Variants in HMCN1 observed in about 807,000 individuals in gnomAD.
The protein encoded by HMCN1 is hemicentin-1.
In HMCN1, 321 loss-of-function variants were observed where a neutral mutation model predicts 625.9. The observed-to-expected ratio is 0.51, with a 90% CI of 0.47 to 0.56. HMCN1 has a LOEUF of 0.56. Ranked by LOEUF, HMCN1 falls within the 20% of genes least tolerant of loss-of-function variation. The probability of loss-of-function intolerance (pLI) is 0.00; values close to 1 mark genes in which losing one functional copy is unlikely to be tolerated. For missense variants in HMCN1, 6,588 were observed against 6,887.3 expected, an observed-to-expected ratio of 0.96 and a Z score of 1.54; for synonymous variants, 2,425 against 2,417.6, an observed-to-expected ratio of 1.00 and a Z score of -0.09.
intron 40 of HMCN1, among the ~76,000 whole-genome samples, chr1:186,043,936 C>G (rs1286494155): frequency 6.6e-6 from 1 of 152,044 alleles, no homozygotes; most frequent in East Asian, 1.9e-4. Context: ...AAAAAATTAG[C>G]CAGGCGTGGT....
At chr1:186,097,696 A>G (rs944300391) in intron 68 of HMCN1, among the ~76,000 whole-genome samples, 3 of 152,162 alleles carry the variant, frequency 2.0e-5, no homozygotes, top group African/African-American at 7.2e-5. Context: ...GAATTAGAAA[A>G]AAAAAATCTA....
At chr1:185,919,906 C>T (rs911812736) in intron 6 of HMCN1, among the ~76,000 whole-genome samples, 2 of 152,154 alleles carry the variant, frequency 1.3e-5, no homozygotes, top group African/African-American at 4.8e-5. Flanking sequence ...GCATTTTGTG[C>T]ACATTAGTGC....
At chr1:186,007,341 G>A (rs1653709487) in intron 30 of HMCN1, 59 bp downstream of exon 30, 1 of 1,470,468 alleles carries the variant, frequency 6.8e-7, no homozygotes, top group African/African-American at 1.4e-5. Context: ...TGACAAGCAG[G>A]GTTTACTGGT....
At chr1:186,000,272 T>C in intron 26 of HMCN1, 33 bp downstream of exon 26, 1 of 1,490,722 alleles carries the variant, frequency 6.7e-7, no homozygotes, top group Non-Finnish European at 9.4e-7. Flanking sequence ...AACTGACTGT[T>C]TGCCAGTCTC....
In HMCN1 at chr1:186,093,649, G is replaced by A. The variant is rs1659967909; in HGVS notation, c.10176G>A (p.Leu3392=). The part of the protein sequence containing the change: ...PLPLSSHIRL[L]AAGQVIRIVR... ...CTCTCTCCTCCCATATCCGGTTACT[G>A]GCAGCAGGACAAGTTATCAGGTCAG... The change falls in exon 66 of 107, where the codon CTG becomes CTA. Residue 3392 remains leucine, a synonymous_variant. Coordinates refer to ENST00000271588, the MANE Select transcript of HMCN1 (RefSeq NM_031935.3). 8 of 1,613,134 alleles carry A rather than the reference G, an allele frequency of 5.0e-6. No individual in the cohort carries two copies. In the South Asian group the frequency reaches 8.8e-5, roughly 18 times the overall value.
intron 36 of HMCN1, among the ~76,000 whole-genome samples, chr1:186,030,747 T>C (rs1258544201): frequency 6.6e-6 from 1 of 151,870 alleles, no homozygotes; most frequent in Non-Finnish European, 1.5e-5. Flanking sequence ...TATTATGTCA[T>C]TTTTTGTTTT....
In HMCN1 at chr1:186,151,194, C is replaced by T; in HGVS notation, c.14609-6C>T. 6.2e-7 allele frequency: 1 copy of T among 1,611,920 alleles called. No homozygotes were observed. The highest frequency in any genetic ancestry group is 8.5e-7 in the Non-Finnish European group (1 of 1,179,172). On this transcript the variant is annotated splice_polypyrimidine_tract_variant and splice_region_variant and intron_variant, in intron 93 of 106. Coordinates refer to ENST00000271588, the MANE Select transcript of HMCN1 (RefSeq NM_031935.3). Reference sequence around the variant, plus strand: ...TATCCAGGAATGTTTTTTTTTCCCCCAATAGGTGGGCCCCAGCGAGCCAGA... The same window carrying T: ...TATCCAGGAATGTTTTTTTTTCCCCTAATAGGTGGGCCCCAGCGAGCCAGA...
Position 186,190,030 on chromosome 1 carries a change from A to C in HMCN1, c.*152A>C, listed in dbSNP as rs1476530328. 2 of 856,880 alleles carry C rather than the reference A, an allele frequency of 2.3e-6. No homozygotes were observed. The highest frequency in any genetic ancestry group is 3.3e-5 in the African/African-American group (2 of 60,170). The allele number at this position is 856,880 out of a possible 1,614,324, so 53.1% of individuals were successfully genotyped here. A position where few individuals can be genotyped will look rare whatever the true frequency, so the allele number is the denominator to read the frequency against. On this transcript the variant is annotated 3_prime_UTR_variant, in exon 107 of 107. Transcript: ENST00000271588. ...TTGTGTGCCTTCCTTGGTACTTCTG[A>C]GGTATTTTCATGATCCCACCATGGT...
At chr1:185,784,779 A>G (rs149349672) in intron 1 of HMCN1, among the ~76,000 whole-genome samples, 243 of 152,308 alleles carry the variant, frequency 1.6e-3, no homozygotes, top group African/African-American at 5.7e-3. Context: ...TATCAATTAC[A>G]TATTGTAACA....
chr1:185,822,493 C>T (rs957989823), intron 1 of HMCN1, among the ~76,000 whole-genome samples: 5 of 152,166 alleles, frequency 3.3e-5, no homozygotes, highest in African/African-American at 1.2e-4. Flanking sequence ...CATTCTTATA[C>T]TAACTTGAAG....
chr1:185,747,380 G>A (rs1388400848), intron 1 of HMCN1, among the ~76,000 whole-genome samples: 3 of 151,358 alleles, frequency 2.0e-5, no homozygotes, highest in Admixed American at 1.3e-4. Flanking sequence ...GTGCAGTGGC[G>A]TGATCTCGGC....
chr1:186,072,059 A>C (rs1658510785), intron 52 of HMCN1, among the ~76,000 whole-genome samples: 1 of 152,138 alleles, frequency 6.6e-6, no homozygotes, highest in South Asian at 2.1e-4. Flanking sequence ...CAGGCTTTGA[A>C]ATTGACCCAA....
chr1:185,981,335 C>T (rs1027800055), intron 17 of HMCN1, among the ~76,000 whole-genome samples: 7 of 152,078 alleles, frequency 4.6e-5, no homozygotes, highest in African/African-American at 1.7e-4. Flanking sequence ...TGCACACACA[C>T]ACACACACAC....
At position 185,734,862 on chromosome 1, in the gene HMCN1, C is replaced by T; in HGVS notation, c.83C>T (p.Ser28Leu). Reference sequence around the variant, plus strand: ...CTAGCTCAAGATGCGAGCCCCCAGTCAGAGATCAGAGCTGAGGAAATTCCC... The same window carrying T: ...CTAGCTCAAGATGCGAGCCCCCAGTTAGAGATCAGAGCTGAGGAAATTCCC... ...SSLAQDASPQ[S>L]EIRAEEIPEG... is the part of the protein sequence containing the mutation. Residue 28 changes from serine to leucine, a missense_variant, in exon 1 of 107, where the codon TCA becomes TTA. Around this residue, in one of 3 missense-constraint regions of HMCN1, gnomAD observed 4,628 missense variants for 4,853.1 expected, o/e 0.95. Coordinates refer to ENST00000271588, the MANE Select transcript of HMCN1 (RefSeq NM_031935.3). 2 of 1,613,958 alleles carry T rather than the reference C, an allele frequency of 1.2e-6. No individual in the cohort carries two copies. Among genetic ancestry groups the T allele is most frequent in the Non-Finnish European group, 8.5e-7 (1 of 1,179,926 alleles).
At chr1:185,778,425 C>T (rs1656780430) in intron 1 of HMCN1, among the ~76,000 whole-genome samples, 1 of 151,534 alleles carries the variant, frequency 6.6e-6, no homozygotes, top group Non-Finnish European at 1.5e-5. Context: ...TATACATGCG[C>T]CATGTTGGTG....
At chr1:185,818,563 A>C (rs1478204944) in intron 1 of HMCN1, among the ~76,000 whole-genome samples, 1 of 152,214 alleles carries the variant, frequency 6.6e-6, no homozygotes, top group Non-Finnish European at 1.5e-5. Context: ...GAATATAGTT[A>C]ATTCTTACCT....
At chr1:185,934,212 A>G (rs1175672391) in intron 11 of HMCN1, among the ~76,000 whole-genome samples, 1 of 152,172 alleles carries the variant, frequency 6.6e-6, no homozygotes, top group Non-Finnish European at 1.5e-5. Context: ...TTTTGCATAC[A>G]TAACTAACTT....
intron 11 of HMCN1, among the ~76,000 whole-genome samples, chr1:185,934,863 C>T (rs1313996221): frequency 6.6e-6 from 1 of 152,090 alleles, no homozygotes; most frequent in African/African-American, 2.4e-5. Flanking sequence ...GACAGAAAAG[C>T]GAAACTACCA....
chr1:185,945,774 T>C (rs1165036950), intron 11 of HMCN1, among the ~76,000 whole-genome samples: 1 of 152,192 alleles, frequency 6.6e-6, no homozygotes, highest in Non-Finnish European at 1.5e-5. Flanking sequence ...CACAGACACA[T>C]GGGCTTGCTA....
Sources: allele counts gnomAD v4.1 joint callset (sites outside exome capture counted in the v4.1 genomes callset), GRCh38; gene constraint gnomAD v4.1.1; regional missense constraint gnomAD v4.1.1; transcripts MANE v1.5; gene names NCBI Gene and HGNC (gene_info 2026-07-23, HGNC 2026-07-21).